The following FOXN3 variants were observed in gnomAD, a reference collection of about 807,000 sequenced individuals.
FOXN3 encodes forkhead box protein N3.
In FOXN3, 7 loss-of-function variants were observed where a neutral mutation model predicts 38.4. That is an observed-to-expected ratio of 0.18 (90% CI 0.10 to 0.34). FOXN3 has a LOEUF of 0.34. Ranked by LOEUF, FOXN3 falls within the 10% of genes least tolerant of loss-of-function variation. The pLI, the probability that FOXN3 is intolerant of heterozygous loss-of-function variation, is 1.00. For missense variants in FOXN3, 456 were observed against 613.4 expected, an observed-to-expected ratio of 0.74 and a Z score of 2.71; for synonymous variants, 230 against 242.2, an observed-to-expected ratio of 0.95 and a Z score of 0.47.
intron 1 of FOXN3, among the ~76,000 whole-genome samples, chr14:89,503,625 T>C (rs899785783): frequency 6.6e-6 from 1 of 152,224 alleles, no homozygotes; most frequent in Non-Finnish European, 1.5e-5. Context: ...ACACGTTTTA[T>C]AGATAGAGCC....
chr14:89,295,893 G>A (rs970539002), intron 3 of FOXN3, among the ~76,000 whole-genome samples: 2 of 150,680 alleles, frequency 1.3e-5, no homozygotes, highest in South Asian at 2.1e-4. Flanking sequence ...CACCATGCCC[G>A]GCCAGGATTT....
intron 4 of FOXN3, among the ~76,000 whole-genome samples, chr14:89,217,792 C>T (rs551735689): frequency 5.9e-5 from 9 of 152,326 alleles, no homozygotes; most frequent in East Asian, 3.9e-4. Flanking sequence ...GTCCAGTCCC[C>T]GCCAGCTTTG....
intron 4 of FOXN3, among the ~76,000 whole-genome samples, chr14:89,198,801 C>T (rs1283636949): frequency 6.6e-6 from 1 of 152,248 alleles, no homozygotes; most frequent in Non-Finnish European, 1.5e-5. Context: ...AAACCTCACA[C>T]TAAGCTCACA....
At chr14:89,254,455 G>A (rs138085206) in intron 4 of FOXN3, among the ~76,000 whole-genome samples, 2 of 152,158 alleles carry the variant, frequency 1.3e-5, no homozygotes, top group African/African-American at 2.4e-5. Context: ...AGAACTGCAC[G>A]GCCAGACAGA....
At chr14:89,289,467 G>A (rs927557484) in intron 3 of FOXN3, among the ~76,000 whole-genome samples, 4 of 152,120 alleles carry the variant, frequency 2.6e-5, no homozygotes, top group Non-Finnish European at 5.9e-5. Flanking sequence ...TGATTTTTGG[G>A]CAACACTGCG....
intron 1 of FOXN3, among the ~76,000 whole-genome samples, chr14:89,580,208 T>G (rs115329627): frequency 0.013 from 1,967 of 152,320 alleles, 40 homozygotes; most frequent in African/African-American, 0.044. Context: ...GGAACTTGTA[T>G]TCGGCTCTTC....
intron 1 of FOXN3, among the ~76,000 whole-genome samples, chr14:89,508,110 A>G (rs1358580431): frequency 6.6e-6 from 1 of 152,188 alleles, no homozygotes; most frequent in Non-Finnish European, 1.5e-5. Context: ...ACCAGTCAAT[A>G]CAATACAACA....
chr14:89,448,565 T>G (rs570020031), intron 1 of FOXN3, among the ~76,000 whole-genome samples: 1 of 152,250 alleles, frequency 6.6e-6, no homozygotes, highest in South Asian at 2.1e-4. Context: ...TGAGAGTTGA[T>G]TGCCCTGGGA....
At chr14:89,216,727 T>G (rs775979778) in intron 4 of FOXN3, among the ~76,000 whole-genome samples, 3 of 152,160 alleles carry the variant, frequency 2.0e-5, no homozygotes, top group Non-Finnish European at 4.4e-5. Context: ...TTAGACGGTT[T>G]TATCCATGAT....
In FOXN3 at chr14:89,319,119, G is replaced by T. The variant is rs556236335; in HGVS notation, c.680+31553C>A. Among the ~76,000 whole-genome samples, 4 of 152,288 alleles carry T rather than the reference G, an allele frequency of 2.6e-5. No homozygotes were observed. In the East Asian group the frequency reaches 7.7e-4, roughly 29 times the overall value. On this transcript the variant is annotated intron_variant, in intron 3 of 5. Coordinates refer to ENST00000557258, the MANE Select transcript of FOXN3 (RefSeq NM_005197.4). ...AGACAATTCTGAGTTGCTGACTTTG[G>T]ATACTGGGTTGTACTGGGGTGAAGA...
intron 1 of FOXN3, among the ~76,000 whole-genome samples, chr14:89,496,420 C>T (rs1893685119): frequency 6.6e-6 from 1 of 152,124 alleles, no homozygotes; most frequent in Non-Finnish European, 1.5e-5. Context: ...GCTCACTACA[C>T]CCCGCGCCAC....
intron 3 of FOXN3, among the ~76,000 whole-genome samples, chr14:89,287,607 A>C (rs1421939397): frequency 6.9e-5 from 5 of 72,632 alleles, no homozygotes; most frequent in African/African-American, 2.7e-4. Flanking sequence ...TTCCTGTGAC[A>C]GATGAGGTAA....
chr14:89,334,261 C>G (rs201134134), intron 3 of FOXN3, among the ~76,000 whole-genome samples: 26 of 151,146 alleles, frequency 1.7e-4, no homozygotes, highest in African/African-American at 6.3e-4. Context: ...GGGAGTGAGG[C>G]GGGCTGGGGG....
chr14:89,452,732 C>T (rs1892637921), intron 1 of FOXN3, among the ~76,000 whole-genome samples: 1 of 152,140 alleles, frequency 6.6e-6, no homozygotes, highest in Non-Finnish European at 1.5e-5. Flanking sequence ...AGAAATCAGC[C>T]TCAAAAGGAA....
At chr14:89,510,452 G>T (rs1286842969) in intron 1 of FOXN3, among the ~76,000 whole-genome samples, 1 of 152,182 alleles carries the variant, frequency 6.6e-6, no homozygotes, top group Non-Finnish European at 1.5e-5. Flanking sequence ...GCAGAGAGGG[G>T]TGTGTGTCCA....
rs905470302 is a variant in FOXN3, at chr14:89,391,400, C to T, written c.543+20534G>A. 5.3e-5 allele frequency among the ~76,000 whole-genome samples: 8 copies of T among 152,150 alleles called. No individual in the cohort carries two copies. In the South Asian group the frequency reaches 1.2e-3, roughly 24 times the overall value. ...TTCATATTTCCAAAGACAGGCATCC[C>T]GTCCCTCTGCCTCTGTACCAAGAAT... On this transcript the variant is annotated intron_variant, in intron 2 of 5. Coordinates refer to ENST00000557258, the MANE Select transcript of FOXN3 (RefSeq NM_005197.4).
At chr14:89,463,030 G>C (rs933432811) in intron 1 of FOXN3, among the ~76,000 whole-genome samples, 17 of 151,322 alleles carry the variant, frequency 1.1e-4, no homozygotes, top group Non-Finnish European at 2.1e-4. Flanking sequence ...AGGCGCAGTG[G>C]CTGTAATCCC....
intron 1 of FOXN3, among the ~76,000 whole-genome samples, chr14:89,577,713 G>C (rs943392260): frequency 1.3e-5 from 2 of 152,058 alleles, no homozygotes; most frequent in African/African-American, 4.8e-5. Flanking sequence ...CTTCGGACCC[G>C]GGGAAAATTC....
At chr14:89,417,393 T>A (rs58572475), upstream of FOXN3, 1 of 146,556 alleles carries the variant, frequency 6.8e-6, no homozygotes, top group South Asian at 2.1e-4. Context: ...CCCGCGCCCC[T>A]CGCGCGCCCC....
Sources: gnomAD v4.1 joint callset for allele counts (sites outside exome capture counted in the v4.1 genomes callset) on GRCh38, gnomAD v4.1.1 for gene constraint, MANE v1.5 for transcripts, NCBI Gene and HGNC (gene_info 2026-07-23, HGNC 2026-07-21) for gene names.